The following PDE6C variants were observed in gnomAD, a reference collection of about 807,000 sequenced individuals.
PDE6C encodes phosphodiesterase 6C, also known as cone cGMP-specific 3',5'-cyclic phosphodiesterase subunit alpha'.
In PDE6C, 75 loss-of-function variants were observed where a neutral mutation model predicts 113.1. The ratio of observed to expected loss-of-function variants is 0.66; its 90% confidence interval spans 0.55 to 0.80. The LOEUF is 0.80. Ranked by LOEUF, PDE6C falls within the 30% of genes least tolerant of loss-of-function variation. The pLI is 0.00. For synonymous variants in PDE6C, 375 were observed against 363.7 expected, an observed-to-expected ratio of 1.03 and a Z score of -0.35; for missense variants, 912 against 1,038.6, an observed-to-expected ratio of 0.88 and a Z score of 1.67.
chr10:93,633,949 C>G (rs951627199), intron 8 of PDE6C, among the ~76,000 whole-genome samples: 14 of 152,050 alleles, frequency 9.2e-5, no homozygotes, highest in Non-Finnish European at 4.4e-5. Context: ...TGCTAGAGTA[C>G]ATATAATGGC....
At chr10:93,664,147 G>A (rs1440142733) in intron 21 of PDE6C, among the ~76,000 whole-genome samples, 1 of 152,178 alleles carries the variant, frequency 6.6e-6, no homozygotes, top group African/African-American at 2.4e-5. Context: ...AGGCCCTGGG[G>A]AAAGATGGGA....
In PDE6C at chr10:93,629,434, C is replaced by G. The variant is rs1158317390; in HGVS notation, c.1119+129C>G. The G allele has an allele frequency of 6.5e-6, 5 of 772,462 alleles. No individual in the cohort carries two copies. In the African/African-American group the frequency reaches 6.8e-5, roughly 11 times the overall value. The allele number at this position is 772,462 out of a possible 1,614,324, so 47.9% of individuals were successfully genotyped here. On this transcript the variant is annotated intron_variant, in intron 8 of 21. Transcript: ENST00000371447. The stretch of plus-strand genomic sequence containing the variant: ...GCCACAGGCACACACGGGTCCATCT[C>G]CCACTCACCCTGGCTGGGCCAGCAA...
intron 15 of PDE6C, among the ~76,000 whole-genome samples, chr10:93,649,024 G>A (rs1261680449): frequency 1.3e-5 from 2 of 152,122 alleles, no homozygotes; most frequent in Non-Finnish European, 2.9e-5. Flanking sequence ...AGACTAGAAC[G>A]GCCTGTACTT....
At chr10:93,637,812 C>T (rs2058541145) in intron 11 of PDE6C, among the ~76,000 whole-genome samples, 1 of 152,104 alleles carries the variant, frequency 6.6e-6, no homozygotes, top group South Asian at 2.1e-4. Context: ...TATTTTTACA[C>T]CTGGGTTCTA....
At chr10:93,622,648 TTGTTTTTTTTTTTGTTG>T (rs759899772) in intron 4 of PDE6C, among the ~76,000 whole-genome samples, 111 of 8,590 alleles carry the variant, frequency 0.013, 1 homozygote, top group South Asian at 0.12. Context: ...GGTTTTTTTT[TTGTTTTTTTTTTTGTTG>T]TTTTTTTTTT....
At chr10:93,661,037 T>C (rs1380903142) in intron 18 of PDE6C, among the ~76,000 whole-genome samples, 1 of 152,104 alleles carries the variant, frequency 6.6e-6, no homozygotes, top group Admixed American at 6.6e-5. Context: ...TGCCCAAAGA[T>C]CACTTTATAA....
At position 93,621,969 on chromosome 10, in the gene PDE6C, T is replaced by C. The variant is rs543093064; in HGVS notation, c.761T>C (p.Leu254Pro). 6.2e-7 allele frequency: 1 copy of C among 1,614,038 alleles called. No individual in the cohort carries two copies. Among genetic ancestry groups the C allele is most frequent in the Non-Finnish European group, 8.5e-7 (1 of 1,179,962 alleles). Reference sequence around the variant, plus strand: ...TCAGCCAATAAAGTATTTGAAGAACTCACAGATGTTGAGCGACAGTTTCAC... The same window carrying C: ...TCAGCCAATAAAGTATTTGAAGAACCCACAGATGTTGAGCGACAGTTTCAC... The part of the protein sequence containing the change: ...MWSANKVFEE[L>P]TDVERQFHKA... Residue 254 changes from leucine to proline, a missense_variant, in exon 4 of 22, where the codon CTC (leucine) becomes CCC (proline). Coordinates refer to ENST00000371447, the MANE Select transcript of PDE6C (RefSeq NM_006204.4).
Position 93,635,410 on chromosome 10 carries a change from G to T in PDE6C, c.1270-87G>T. ...ATGGGGTGGTTGATGATGGAAGGGA[G>T]ATGGATAGAAAAGCGTGCAGATTGT... On this transcript the variant is annotated intron_variant, in intron 9 of 21. Transcript: ENST00000371447. 3 of 993,982 alleles carry T rather than the reference G, an allele frequency of 3.0e-6. No homozygotes were observed. The East Asian group carries it at 7.1e-5, about 24-fold the overall frequency. The allele number at this position is 993,982 out of a possible 1,614,324, so 61.6% of individuals were successfully genotyped here. A position where few individuals can be genotyped will look rare whatever the true frequency, so the allele number is the denominator to read the frequency against.
At chr10:93,651,878 G>T (rs1322692783) in intron 15 of PDE6C, among the ~76,000 whole-genome samples, 3 of 152,140 alleles carry the variant, frequency 2.0e-5, no homozygotes, top group African/African-American at 7.2e-5. Flanking sequence ...TGTTGTCAAA[G>T]TAGGTCTTGA....
rs760302189 is a variant in PDE6C, at chr10:93,651,782, T to C, written c.1936-3978T>C. 1.0e-3 allele frequency among the ~76,000 whole-genome samples: 156 copies of C among 152,176 alleles called. 3 individuals are homozygous for C. The highest frequency in any genetic ancestry group is 2.6e-4 in the Non-Finnish European group (18 of 68,040). On this transcript the variant is annotated intron_variant, in intron 15 of 21. Transcript: ENST00000371447. ...CTTCTTGTTACCTATGACAATGTCT[T>C]TGGTCTAGGAGATTGAATATCAGAA...
intron 10 of PDE6C, 36 bp from the exon 11 acceptor site, chr10:93,636,959 T>C: frequency 2.7e-6 from 3 of 1,096,346 alleles, no homozygotes; most frequent in Non-Finnish European, 4.2e-6. Context: ...TCTTCTCCTT[T>C]AGGAATTTCA....
chr10:93,621,950 A>G lies in PDE6C; in HGVS notation c.742A>G (p.Asn248Asp), dbSNP rs140524715. ...RRSQILMWSANKVFEELTDVE... is the reference protein window; with the variant it reads ...RRSQILMWSADKVFEELTDVE... ...CTTTCAGATCCTTATGTGGTCAGCC[A>G]ATAAAGTATTTGAAGAACTCACAGA... Residue 248 changes from asparagine (N) to aspartate (D), a missense_variant, in exon 4 of 22, where the codon AAT becomes GAT. Physicochemically the swap from Asn to Asp is conservative, Grantham distance 23. Coordinates refer to ENST00000371447, the MANE Select transcript of PDE6C (RefSeq NM_006204.4). 373 of 1,614,006 alleles carry G rather than the reference A, an allele frequency of 2.3e-4. 1 individual carries two copies. In the African/African-American group the frequency reaches 4.5e-3, roughly 19 times the overall value.
At chr10:93,615,906 G>C (rs1032062570) in intron 1 of PDE6C, among the ~76,000 whole-genome samples, 7 of 152,196 alleles carry the variant, frequency 4.6e-5, no homozygotes, top group African/African-American at 1.4e-4. Flanking sequence ...CGGGTCCATG[G>C]TGTGTGTCTG....
Position 93,658,898 on chromosome 10 carries a change from T to C in PDE6C, c.2037-3T>C. On this transcript the variant is annotated splice_polypyrimidine_tract_variant and splice_region_variant and intron_variant, in intron 16 of 21. Transcript: ENST00000371447. ...TTGTTGCTCACAGCTGTATCTTTTC[T>C]AGGAAGAGGACCATGTTTCAAAAAA... 1.3e-6 allele frequency: 2 copies of C among 1,574,042 alleles called. No homozygotes were observed. The highest frequency in any genetic ancestry group is 8.7e-7 in the Non-Finnish European group (1 of 1,143,756).
At chr10:93,637,732 G>A (rs560622817) in intron 11 of PDE6C, among the ~76,000 whole-genome samples, 2 of 152,116 alleles carry the variant, frequency 1.3e-5, no homozygotes, top group Non-Finnish European at 2.9e-5. Flanking sequence ...TTTCATAAAT[G>A]TATTGATGTG....
chr10:93,660,972 G>A (rs1299474852), intron 18 of PDE6C, among the ~76,000 whole-genome samples: 1 of 152,092 alleles, frequency 6.6e-6, no homozygotes, highest in Admixed American at 6.6e-5. Context: ...CCCATTGCCA[G>A]AGGTTTCCAA....
intron 15 of PDE6C, among the ~76,000 whole-genome samples, chr10:93,652,041 G>C (rs1439775003): frequency 6.6e-6 from 1 of 152,054 alleles, no homozygotes; most frequent in Non-Finnish European, 1.5e-5. Context: ...GTGTGCCTGT[G>C]TGTGTGTATG....
chr10:93,663,829 A>G (rs989145845), intron 21 of PDE6C, among the ~76,000 whole-genome samples: 1 of 152,188 alleles, frequency 6.6e-6, no homozygotes, highest in East Asian at 1.9e-4. Flanking sequence ...AGTTCATCAG[A>G]TGGCCCAAAC....
At chr10:93,620,148 G>T (rs1293975260) in intron 1 of PDE6C, among the ~76,000 whole-genome samples, 1 of 152,184 alleles carries the variant, frequency 6.6e-6, no homozygotes, top group African/African-American at 2.4e-5. Flanking sequence ...TAGATTGGAA[G>T]GAACTGGGGG....
Sources: allele counts gnomAD v4.1 joint callset (sites outside exome capture counted in the v4.1 genomes callset), GRCh38; gene constraint gnomAD v4.1.1; transcripts MANE v1.5; gene names NCBI Gene and HGNC (gene_info 2026-07-23, HGNC 2026-07-21).